Variants in TFPT observed in about 807,000 individuals in gnomAD.
TFPT encodes the protein INO80 complex subunit F.
Under a neutral mutation model 28.8 loss-of-function variants are expected in TFPT, and 27 were observed. The ratio of observed to expected loss-of-function variants is 0.94; its 90% CI spans 0.69 to 1.29. The LOEUF is 1.29. Among genes scored for constraint, TFPT ranks in the 50% most tolerant of loss-of-function variants. TFPT has a pLI of 0.00. For missense variants in TFPT, 330 were observed against 338.0 expected, an observed-to-expected ratio of 0.98 and a Z score of 0.19; for synonymous variants, 152 against 142.8, an observed-to-expected ratio of 1.06 and a Z score of -0.46.
At chr19:54,114,206 C>CG (rs1206966326) in intron 2 of TFPT, among the ~76,000 whole-genome samples, 3 of 152,170 alleles carry the variant, frequency 2.0e-5, no homozygotes, top group African/African-American at 4.8e-5. Context: ...GAGAGGCCCC[C>CG]GGGAGACATC....
chr19:54,115,377 G>A lies in TFPT; in HGVS notation c.-108C>T. The stretch of plus-strand genomic sequence containing the variant: ...CCCATCAGGCTCAGCAGCCGAGGAC[G>A]GCGGGACGTGGCCCTAGGCCTTGTG... On this transcript the variant is annotated 5_prime_UTR_variant, in exon 1 of 6. Coordinates refer to ENST00000391759, the MANE Select transcript of TFPT (RefSeq NM_013342.4). The A allele has an allele frequency of 2.0e-6, 3 of 1,521,446 alleles. No homozygotes were observed. Among genetic ancestry groups the A allele is most frequent in the Non-Finnish European group, 2.7e-6 (3 of 1,103,218 alleles). 94.2% of individuals were successfully genotyped at this position (1,521,446 alleles called of 1,614,324 possible).
In TFPT at chr19:54,114,563, C is replaced by G; in HGVS notation, c.161G>C (p.Gly54Ala). Reference sequence around the variant, plus strand: ...TTCATCTCGCTCCCGGAGCCCTGAGCCGCCCAGACCACCTGACACAAACTC... The same window carrying G: ...TTCATCTCGCTCCCGGAGCCCTGAGGCGCCCAGACCACCTGACACAAACTC... Reference protein sequence around the residue: ...EVEFVSGGLGGSGLRERDEEE... With the variant: ...EVEFVSGGLGASGLRERDEEE... The change falls in exon 2 of 6, where the codon GGC becomes GCC. Residue 54 changes from glycine (G) to alanine (A), a missense_variant. Physicochemically the swap from Gly to Ala is moderately conservative, Grantham distance 60. Coordinates refer to ENST00000391759, the MANE Select transcript of TFPT (RefSeq NM_013342.4). 1 of 1,614,134 alleles carries G rather than the reference C, an allele frequency of 6.2e-7. No homozygotes were observed. Among genetic ancestry groups the G allele is most frequent in the Non-Finnish European group, 8.5e-7 (1 of 1,180,022 alleles).
intron 2 of TFPT, among the ~76,000 whole-genome samples, chr19:54,113,023 G>A (rs1423870704): frequency 6.7e-6 from 1 of 149,670 alleles, no homozygotes; most frequent in East Asian, 2.0e-4. Flanking sequence ...AACCCAGGAG[G>A]TGGAGGTTAC....
intron 2 of TFPT, among the ~76,000 whole-genome samples, chr19:54,112,183 T>C (rs2073474828): frequency 6.7e-6 from 1 of 149,138 alleles, no homozygotes; most frequent in African/African-American, 2.5e-5. Context: ...GAGTCCAGGA[T>C]GTTGGGGCTG....
intron 2 of TFPT, among the ~76,000 whole-genome samples, chr19:54,113,801 C>T (rs2073526156): frequency 1.3e-5 from 2 of 152,210 alleles, no homozygotes; most frequent in African/African-American, 2.4e-5. Context: ...AAGCAATTCT[C>T]ATGCCTCAGC....
In TFPT at chr19:54,115,284, G is replaced by C; in HGVS notation, c.-15C>G. The C allele has an allele frequency of 6.2e-7, 1 of 1,613,896 alleles. No individual in the cohort carries two copies. Among genetic ancestry groups the C allele is most frequent in the Non-Finnish European group, 8.5e-7 (1 of 1,180,044 alleles). ...TCCAATTCCATCTCCGCGACCTCCG[G>C]AAGCCCCGGGCCTCAGAGCTTCCGA... On this transcript the variant is annotated 5_prime_UTR_variant, in exon 1 of 6. Coordinates refer to ENST00000391759, the MANE Select transcript of TFPT (RefSeq NM_013342.4).
chr19:54,111,594 C>T (rs587767941), intron 2 of TFPT, among the ~76,000 whole-genome samples: 4 of 150,200 alleles, frequency 2.7e-5, no homozygotes, highest in East Asian at 3.9e-4. Flanking sequence ...GCAGGAGAAT[C>T]GCTTGAACCC....
At chr19:54,114,968 CTT>C (rs771667788) in intron 1 of TFPT, 98 of 662,480 alleles carry the variant, frequency 1.5e-4, no homozygotes, top group Middle Eastern at 1.1e-3. Flanking sequence ...GACCTCCAGA[CTT>C]TTTCTCTCCA....
intron 3 of TFPT, among the ~76,000 whole-genome samples, chr19:54,109,479 G>A (rs587705948): frequency 2.6e-5 from 4 of 152,288 alleles, no homozygotes; most frequent in Admixed American, 1.3e-4. Flanking sequence ...ACTCAGCAAC[G>A]TGGAGCCATT....
chr19:54,111,684 GAAAAA>G lies in TFPT; in HGVS notation c.283-1568_283-1564del, dbSNP rs56412241. Among the ~76,000 whole-genome samples the G allele has an allele frequency of 1.9e-4, 23 of 119,468 alleles. No homozygotes were observed. The South Asian group carries it at 5.0e-3, about 26-fold the overall frequency. 78.4% of individuals were successfully genotyped at this position (119,468 alleles called of 152,430 possible). On this transcript the variant is annotated intron_variant, in intron 2 of 5. Transcript: ENST00000391759. ...GACAGAGTAAGACTCTGTCTCAAAA[GAAAAA>G]AAAAAAAAAAAAGTGCCAGGCACGG...
In TFPT at chr19:54,108,030, A is replaced by T. The variant is rs774020839; in HGVS notation, c.638T>A (p.Val213Glu). 1.1e-5 allele frequency: 16 copies of T among 1,518,298 alleles called. No individual in the cohort carries two copies. In the South Asian group the frequency reaches 2.0e-4, roughly 19 times the overall value. The allele number at this position is 1,518,298 out of a possible 1,614,324, so 94.1% of individuals were successfully genotyped here. A position where few individuals can be genotyped will look rare whatever the true frequency, so the allele number is the denominator to read the frequency against. ...GNALTPELAP[V>E]QIKVEEDFGF... The stretch of plus-strand genomic sequence containing the variant: ...TTGAGTTCCCGCCTTCCTCACCTGC[A>T]CCGGGGCCAGCTCTGGAGTCAGCGC... Residue 213 changes from valine (V) to glutamate (E), a missense_variant, in exon 5 of 6, where the codon GTG becomes GAG. Coordinates refer to ENST00000391759, the MANE Select transcript of TFPT (RefSeq NM_013342.4).
intron 2 of TFPT, among the ~76,000 whole-genome samples, chr19:54,113,169 T>A (rs117252122): frequency 5.4e-5 from 8 of 149,440 alleles, no homozygotes; most frequent in Non-Finnish European, 8.9e-5. Context: ...TAACCCCCAG[T>A]ACCTCAGGAT....
Position 54,115,287 on chromosome 19 carries a change from G to GC in TFPT, c.-19dup. On this transcript the variant is annotated 5_prime_UTR_variant, in exon 1 of 6. Transcript: ENST00000391759. ...AATTCCATCTCCGCGACCTCCGGAAGCCCCGGGCCTCAGAGCTTCCGACCT... is the reference window on the plus strand; with the variant it reads ...AATTCCATCTCCGCGACCTCCGGAAGCCCCCGGGCCTCAGAGCTTCCGACCT... 1 of 1,614,030 alleles carries GC rather than the reference G, an allele frequency of 6.2e-7. No individual in the cohort carries two copies. The highest frequency in any genetic ancestry group is 8.5e-7 in the Non-Finnish European group (1 of 1,180,038).
chr19:54,108,225 G>A lies in TFPT; in HGVS notation c.443C>T (p.Thr148Met), dbSNP rs375487904. ...IVLEDEGSQG[T>M]DAPTPGNAEN... ...CGCATTGCCTGGGGTGGGGGCATCC[G>A]TGCCCTGGCTGCCCTCATCCTGGCA... Residue 148 changes from threonine (T) to methionine (M), a missense_variant, in exon 5 of 6, where the codon ACG (threonine) becomes ATG (methionine). Physicochemically the swap from Thr to Met is moderately conservative, Grantham distance 81. Coordinates refer to ENST00000391759, the MANE Select transcript of TFPT (RefSeq NM_013342.4). The A allele has an allele frequency of 3.3e-5, 53 of 1,593,824 alleles. No individual in the cohort carries two copies. The African/African-American group carries it at 4.7e-4, about 14-fold the overall frequency.
chr19:54,115,191 T>G (rs369162651), intron 1 of TFPT, 56 bp downstream of exon 1: 1 of 1,613,296 alleles, frequency 6.2e-7, no homozygotes, highest in Non-Finnish European at 8.5e-7. Flanking sequence ...TTGCACACAA[T>G]GCAGCTGCAC....
chr19:54,107,381 T>C (rs767397285), intron 5 of TFPT: 2 of 622,696 alleles, frequency 3.2e-6, no homozygotes, highest in Non-Finnish European at 5.4e-6. Context: ...CCCAAGTAGC[T>C]GGGACTACAG....
At chr19:54,113,127 A>T (rs2073502562) in intron 2 of TFPT, among the ~76,000 whole-genome samples, 1 of 149,250 alleles carries the variant, frequency 6.7e-6, no homozygotes, top group East Asian at 2.0e-4. Flanking sequence ...AAAAAGTTGA[A>T]TTATTTCCCC....
At position 54,108,133 on chromosome 19, in the gene TFPT, C is replaced by T. The variant is rs1191059293; in HGVS notation, c.535G>A (p.Gly179Ser). The change falls in exon 5 of 6, where the codon GGC becomes AGC. Residue 179 changes from glycine to serine, a missense_variant. Gly to Ser is a moderately conservative substitution (Grantham distance 56, BLOSUM62 0). Transcript: ENST00000391759. Reference sequence around the variant, plus strand: ...GGCCCCTCACCGGGGGCTGGGCTGCCGGGTTCTGGGGGTGCAGGAGTCCTT... The same window carrying T: ...GGCCCCTCACCGGGGGCTGGGCTGCTGGGTTCTGGGGGTGCAGGAGTCCTT... ...PRRTPAPPEP[G>S]SPAPGEGPSG... The T allele has an allele frequency of 1.8e-5, 29 of 1,581,800 alleles. 1 individual carries two copies. Among genetic ancestry groups the T allele is most frequent in the African/African-American group, 5.4e-5 (4 of 73,948 alleles).
chr19:54,112,251 CT>C (rs1445687753), intron 2 of TFPT, among the ~76,000 whole-genome samples: 7 of 52,312 alleles, frequency 1.3e-4, no homozygotes, highest in African/African-American at 7.0e-4. Flanking sequence ...AAGACCCTGT[CT>C]CAAAAAAAAA....
Sources: allele counts gnomAD v4.1 joint callset (sites outside exome capture counted in the v4.1 genomes callset), GRCh38; gene constraint gnomAD v4.1.1; transcripts MANE v1.5; gene names NCBI Gene and HGNC (gene_info 2026-07-23, HGNC 2026-07-21).